Variants in PLCG2 observed in about 807,000 individuals in gnomAD.
The protein encoded by PLCG2 is 1-phosphatidylinositol 4,5-bisphosphate phosphodiesterase gamma-2.
PLCG2 carries 69 observed loss-of-function variants against 175.6 expected under a neutral mutation model. The ratio of observed to expected loss-of-function variants is 0.39; its 90% CI spans 0.32 to 0.48. The LOEUF (loss-of-function observed/expected upper bound fraction) is 0.48. Among genes scored for constraint, PLCG2 ranks in the 20% least tolerant of loss-of-function variants. The pLI is 0.91. For missense variants in PLCG2, 1,798 were observed against 1,650.9 expected, an observed-to-expected ratio of 1.09 and a Z score of -1.54; for synonymous variants, 827 against 624.0, an observed-to-expected ratio of 1.33 and a Z score of -4.85.
At chr16:81,797,436 G>T (rs1911518340) in intron 2 of PLCG2, among the ~76,000 whole-genome samples, 1 of 152,194 alleles carries the variant, frequency 6.6e-6, no homozygotes, top group South Asian at 2.1e-4. Context: ...GAAATCCTGG[G>T]GTTGACTTTT....
rs1198484795 is a variant in PLCG2 at position 81,832,986 on chromosome 16, A to G, written c.194-21458A>G. On this transcript the variant is annotated intron_variant, in intron 2 of 32. Transcript: ENST00000564138. The stretch of plus-strand genomic sequence containing the variant: ...CTGGGGCCATGACAGTAACTGAGGG[A>G]AACAAGTCACGCTTGTGAGATGTGA... 3.3e-5 allele frequency among the ~76,000 whole-genome samples: 5 copies of G among 152,186 alleles called. No homozygotes were observed. The South Asian group carries it at 6.2e-4, about 19-fold the overall frequency.
chr16:81,748,162 AC>A (rs1262202438), intron 1 of PLCG2, among the ~76,000 whole-genome samples: 1 of 152,124 alleles, frequency 6.6e-6, no homozygotes, highest in Non-Finnish European at 1.5e-5. Flanking sequence ...AGCCTGCGCC[AC>A]CGCACCCGGC....
At chr16:81,928,894 C>G in intron 24 of PLCG2, 3 of 405,702 alleles carry the variant, frequency 7.4e-6, no homozygotes, top group Non-Finnish European at 1.3e-5. Context: ...CAGCGTCACT[C>G]TTATTATTTC....
intron 30 of PLCG2, among the ~76,000 whole-genome samples, chr16:81,942,455 T>A (rs756050674): frequency 4.6e-5 from 7 of 152,192 alleles, no homozygotes; most frequent in African/African-American, 1.7e-4. Context: ...GGCACATCCA[T>A]ATTCATGGGA....
chr16:81,769,167 G>A (rs886307632), intron 2 of PLCG2, among the ~76,000 whole-genome samples: 2 of 152,196 alleles, frequency 1.3e-5, no homozygotes, highest in Admixed American at 1.3e-4. Context: ...CCCCCACAAA[G>A]GAACTCACCA....
intron 1 of PLCG2, among the ~76,000 whole-genome samples, chr16:81,741,164 C>T (rs552671425): frequency 7.9e-5 from 12 of 152,138 alleles, no homozygotes; most frequent in African/African-American, 2.6e-4. Context: ...GGTGGGTCCT[C>T]CAGGTCTGAT....
intron 21 of PLCG2, 38 bp from the exon 22 acceptor site, chr16:81,923,446 TC>T: frequency 7.4e-7 from 1 of 1,349,268 alleles, no homozygotes; most frequent in Non-Finnish European, 1.1e-6. Context: ...TCCCCTCCTG[TC>T]CCTGGCCTGA....
chr16:81,764,933 T>TA (rs61628767), intron 2 of PLCG2, among the ~76,000 whole-genome samples: 13 of 151,508 alleles, frequency 8.6e-5, no homozygotes, highest in Non-Finnish European at 1.8e-4. Context: ...ACAAAAAATA[T>TA]AAAAAATTAG....
At chr16:81,803,999 A>ATT (rs1911879967) in intron 2 of PLCG2, among the ~76,000 whole-genome samples, 1 of 152,212 alleles carries the variant, frequency 6.6e-6, no homozygotes, top group Non-Finnish European at 1.5e-5. Context: ...GTTATTGTGA[A>ATT]TAATACTGCG....
Position 81,764,025 on chromosome 16 carries a change from G to T in PLCG2, c.-48+8059G>T, listed in dbSNP as rs1381587461. On this transcript the variant is annotated intron_variant, in intron 2 of 5. Transcript: ENST00000565054. Reference sequence around the variant, plus strand: ...CGAAGTTCTGAGGCTGGGTGCAGTGGTTCAAGCCTGTAATCCCAGCACTTT... The same window carrying T: ...CGAAGTTCTGAGGCTGGGTGCAGTGTTTCAAGCCTGTAATCCCAGCACTTT... Among the ~76,000 whole-genome samples the T allele has an allele frequency of 2.0e-5, 3 of 151,992 alleles. No homozygotes were observed. In the East Asian group the frequency reaches 5.8e-4, roughly 29 times the overall value.
At chr16:81,859,860 G>A (rs567337142) in intron 5 of PLCG2, among the ~76,000 whole-genome samples, 1 of 152,318 alleles carries the variant, frequency 6.6e-6, no homozygotes, top group Admixed American at 6.5e-5. Context: ...AGGGCTGGTA[G>A]AGATGTGTTG....
At chr16:81,874,102 G>A (rs573101609) in intron 7 of PLCG2, among the ~76,000 whole-genome samples, 1 of 152,300 alleles carries the variant, frequency 6.6e-6, no homozygotes, top group South Asian at 2.1e-4. Context: ...GCCCCTGGTT[G>A]TACTTGATCT....
At chr16:81,936,061 G>T in intron 26 of PLCG2, 108 bp from the exon 27 acceptor site, 1 of 1,494,134 alleles carries the variant, frequency 6.7e-7, no homozygotes, top group South Asian at 1.3e-5. Flanking sequence ...CAAAGAGGGA[G>T]ATTCCTGGTT....
intron 27 of PLCG2, among the ~76,000 whole-genome samples, chr16:81,937,077 G>T (rs1488416397): frequency 6.6e-6 from 1 of 152,230 alleles, no homozygotes; most frequent in Non-Finnish European, 1.5e-5. Context: ...GGGTCAAACA[G>T]CGCTTGCATT....
intron 2 of PLCG2, among the ~76,000 whole-genome samples, chr16:81,761,085 C>T (rs774033638): frequency 1.3e-5 from 2 of 152,142 alleles, no homozygotes; most frequent in Non-Finnish European, 2.9e-5. Context: ...TTTGTAGTAA[C>T]AAGGTTTCAC....
intron 2 of PLCG2, among the ~76,000 whole-genome samples, chr16:81,839,099 TA>T: frequency 6.6e-6 from 1 of 152,242 alleles, no homozygotes; most frequent in Middle Eastern, 3.2e-3. Flanking sequence ...CCACTGATTT[TA>T]TTATTTTGCA....
chr16:81,790,458 C>G (rs763119733), intron 2 of PLCG2, among the ~76,000 whole-genome samples: 12 of 152,212 alleles, frequency 7.9e-5, no homozygotes, highest in Non-Finnish European at 1.8e-4. Flanking sequence ...AGCAGGCCTT[C>G]AGGCCCTGGG....
chr16:81,746,096 A>T (rs564468387), intron 1 of PLCG2, among the ~76,000 whole-genome samples: 1 of 152,330 alleles, frequency 6.6e-6, no homozygotes, highest in Non-Finnish European at 1.5e-5. Flanking sequence ...AGGCAAGAGG[A>T]TGCCATAGTC....
intron 3 of PLCG2, among the ~76,000 whole-genome samples, chr16:81,855,427 A>G (rs936625713): frequency 6.6e-6 from 1 of 152,220 alleles, no homozygotes; most frequent in African/African-American, 2.4e-5. Flanking sequence ...AAATACGATT[A>G]AAATAGACCA....
Sources: gnomAD v4.1 joint callset for allele counts (sites outside exome capture counted in the v4.1 genomes callset) on GRCh38, gnomAD v4.1.1 for gene constraint, MANE v1.5 for transcripts, NCBI Gene and HGNC (gene_info 2026-07-23, HGNC 2026-07-21) for gene names.